DHRS7B: variants seen among roughly 807,000 people sequenced by gnomAD.
DHRS7B encodes dehydrogenase/reductase 7B.
DHRS7B carries 24 observed loss-of-function variants against 26.4 expected under a neutral mutation model. That is an observed-to-expected ratio of 0.91 (90% CI 0.66 to 1.28). DHRS7B has a LOEUF of 1.28. Ranked by LOEUF, DHRS7B falls within the 50% of genes most tolerant of loss-of-function variation. DHRS7B has a pLI of 0.00. For synonymous variants in DHRS7B, 142 were observed against 166.4 expected (o/e 0.85, Z 1.13); for missense variants, 368 against 419.4 (o/e 0.88, Z 1.07).
chr17:21,173,208 T>G (rs887155939), intron 2 of DHRS7B, among the ~76,000 whole-genome samples: 6 of 152,252 alleles, frequency 3.9e-5, no homozygotes, highest in Admixed American at 3.9e-4. Flanking sequence ...CTCAATATAT[T>G]GCCATTGCAG....
intron 5 of DHRS7B, among the ~76,000 whole-genome samples, chr17:21,187,483 G>A (rs1194695286): frequency 2.6e-5 from 4 of 151,766 alleles, no homozygotes; most frequent in African/African-American, 7.3e-5. Flanking sequence ...AAAAGTAGCC[G>A]GGCGTGGTGG....
intron 1 of DHRS7B, chr17:21,127,587 C>CT (rs372557910): frequency 2.9e-4 from 44 of 152,702 alleles, no homozygotes; most frequent in African/African-American, 9.1e-4. Flanking sequence ...GTTTTAAACT[C>CT]TGAGTGTTTC....
intron 3 of DHRS7B, 146 bp from the exon 4 acceptor site, chr17:21,183,447 TG>T: frequency 1.5e-6 from 1 of 655,612 alleles, no homozygotes; most frequent in Non-Finnish European, 2.6e-6. Context: ...CTTCCTCTGC[TG>T]GTTTTGGGTT....
chr17:21,172,018 G>T lies in DHRS7B; in HGVS notation c.21G>T (p.Arg7Ser). ...GTGTGTTTGGTTTTGGTTCTTCCAG[G>T]AAGAGTCTGCCGAAGGTGAAGGCCA... Reference protein sequence around the residue: MVSPATRKSLPKVKAMD... With the variant: MVSPATSKSLPKVKAMD... Residue 7 changes from arginine (R) to serine (S), a missense_variant and splice_region_variant, in exon 2 of 7, where the codon AGG becomes AGT. By Grantham distance (110) the Arg-to-Ser change is moderately radical. Transcript: ENST00000395511. The T allele has an allele frequency of 6.2e-7, 1 of 1,614,204 alleles. No individual in the cohort carries two copies. Among genetic ancestry groups the T allele is most frequent in the Non-Finnish European group, 8.5e-7 (1 of 1,180,036 alleles).
chr17:21,128,831 C>T (rs1163375619), intron 1 of DHRS7B: 2 of 149,184 alleles, frequency 1.3e-5, no homozygotes, highest in African/African-American at 5.0e-5. Flanking sequence ...GATGCCGCCA[C>T]TGCATTCCAG....
At chr17:21,168,556 A>T (rs1974164877) in intron 1 of DHRS7B, among the ~76,000 whole-genome samples, 1 of 152,020 alleles carries the variant, frequency 6.6e-6, no homozygotes, top group Non-Finnish European at 1.5e-5. Context: ...TTTTGTAGAG[A>T]CGGGATTTCA....
intron 2 of DHRS7B, among the ~76,000 whole-genome samples, chr17:21,173,035 G>A (rs764717565): frequency 1.6e-4 from 25 of 152,202 alleles, no homozygotes; most frequent in Non-Finnish European, 2.9e-4. Flanking sequence ...GACCCCACCC[G>A]CTGCTACATC....
At position 21,178,241 on chromosome 17, in the gene DHRS7B, A is replaced by T; in HGVS notation, c.208A>T (p.Lys70Ter). Residue 70 changes from lysine to a stop codon, truncating the protein, a stop_gained, in exon 3 of 7, where the codon AAA becomes TAA. Coordinates refer to ENST00000395511, the MANE Select transcript of DHRS7B (RefSeq NM_015510.5). LOFTEE classifies it high-confidence loss of function. ...CTTTTCTCTTCCCTTAGAATGTGCA[A>T]AAGTCTTCTATGCTGCGGGTGCTAA... ...ATSGLGKECA[K>*]VFYAAGAKLV... 6.2e-7 allele frequency: 1 copy of T among 1,614,230 alleles called. No individual in the cohort carries two copies. The highest frequency in any genetic ancestry group is 2.2e-5 in the East Asian group (1 of 44,888).
At chr17:21,181,081 A>G (rs1289250208) in intron 3 of DHRS7B, among the ~76,000 whole-genome samples, 2 of 151,990 alleles carry the variant, frequency 1.3e-5, no homozygotes, top group African/African-American at 2.4e-5. Context: ...GGTGATTTTT[A>G]TTTTTATTTT....
At chr17:21,144,512 T>G (rs1288989895) in intron 1 of DHRS7B, among the ~76,000 whole-genome samples, 1 of 152,170 alleles carries the variant, frequency 6.6e-6, no homozygotes, top group Non-Finnish European at 1.5e-5. Flanking sequence ...ATGGTGAATA[T>G]TTGCATTGCA....
chr17:21,140,041 T>TTTTTTTTTTTC (rs1973458609), intron 1 of DHRS7B, among the ~76,000 whole-genome samples: 1 of 114,102 alleles, frequency 8.8e-6, no homozygotes, highest in African/African-American at 3.3e-5. Flanking sequence ...TTTTTTTTTT[T>TTTTTTTTTTTC]TGAGACAGAG....
At chr17:21,167,009 C>G (rs1235368186) in intron 1 of DHRS7B, among the ~76,000 whole-genome samples, 2 of 150,956 alleles carry the variant, frequency 1.3e-5, no homozygotes, top group African/African-American at 2.4e-5. Flanking sequence ...GTTAACAGTT[C>G]TTTAAAAAAA....
At chr17:21,141,790 A>G (rs1973521340) in intron 1 of DHRS7B, among the ~76,000 whole-genome samples, 1 of 152,106 alleles carries the variant, frequency 6.6e-6, no homozygotes, top group Non-Finnish European at 1.5e-5. Context: ...TCTCGATCAA[A>G]TTTTGGGAGA....
intron 1 of DHRS7B, among the ~76,000 whole-genome samples, chr17:21,139,430 C>T (rs1973439293): frequency 1.3e-5 from 2 of 152,136 alleles, no homozygotes; most frequent in African/African-American, 4.8e-5. Flanking sequence ...AATCCCAGCA[C>T]TTTGGGAGGC....
At chr17:21,130,454 G>A (rs1385586999) in intron 1 of DHRS7B, among the ~76,000 whole-genome samples, 2 of 152,040 alleles carry the variant, frequency 1.3e-5, no homozygotes, top group East Asian at 1.9e-4. Context: ...GTAAAGGGGG[G>A]GTTCCAGGCC....
intron 2 of DHRS7B, among the ~76,000 whole-genome samples, chr17:21,177,065 C>T (rs529115783): frequency 3.3e-5 from 5 of 152,264 alleles, no homozygotes; most frequent in Middle Eastern, 6.8e-3. Flanking sequence ...TACCCTGCTG[C>T]GTCCAGGGGG....
chr17:21,183,426 T>A (rs1191083349), intron 3 of DHRS7B, among the ~76,000 whole-genome samples, 168 bp from the exon 4 acceptor site: 2 of 152,244 alleles, frequency 1.3e-5, no homozygotes, highest in Non-Finnish European at 2.9e-5. Flanking sequence ...TAATCTTTAT[T>A]ATAATGTTTC....
chr17:21,137,171 A>G (rs567485785), intron 1 of DHRS7B, among the ~76,000 whole-genome samples: 1 of 151,594 alleles, frequency 6.6e-6, no homozygotes, highest in Non-Finnish European at 1.5e-5. Context: ...GGGTTTCACT[A>G]TTCTGGCCAG....
At chr17:21,173,712 G>A (rs1974311430) in intron 2 of DHRS7B, among the ~76,000 whole-genome samples, 1 of 152,170 alleles carries the variant, frequency 6.6e-6, no homozygotes, top group Non-Finnish European at 1.5e-5. Context: ...ACCTTTGCAG[G>A]GACAGCTGTC....
Sources: gnomAD v4.1 joint callset for allele counts (sites outside exome capture counted in the v4.1 genomes callset) on GRCh38, gnomAD v4.1.1 for gene constraint, MANE v1.5 for transcripts, NCBI Gene and HGNC (gene_info 2026-07-23, HGNC 2026-07-21) for gene names.